Variants in SPATS1 observed in about 807,000 individuals in gnomAD.
SPATS1 encodes spermatogenesis associated serine rich 1, also known as spermatogenesis-associated serine-rich protein 1.
SPATS1 carries 23 observed loss-of-function variants against 33.6 expected under a neutral mutation model. The ratio of observed to expected loss-of-function variants is 0.68; its 90% confidence interval spans 0.49 to 0.97. SPATS1 has a LOEUF of 0.97. Ranked by LOEUF, SPATS1 falls within the 50% of genes least tolerant of loss-of-function variation. The pLI is 0.00. For synonymous variants in SPATS1, 131 were observed against 125.6 expected (o/e 1.04, Z -0.29); for missense variants, 327 against 361.0 (o/e 0.91, Z 0.76).
intron 2 of SPATS1, among the ~76,000 whole-genome samples, chr6:44,346,002 A>G (rs1787855886): frequency 6.6e-6 from 1 of 152,154 alleles, no homozygotes; most frequent in Non-Finnish European, 1.5e-5. Context: ...AATTATTTGG[A>G]TGGGGCCACG....
At chr6:44,361,096 A>G (rs1788892153) in intron 4 of SPATS1, among the ~76,000 whole-genome samples, 1 of 152,208 alleles carries the variant, frequency 6.6e-6, no homozygotes. Context: ...CCATAAAGCC[A>G]CATGGCCAGG....
intron 7 of SPATS1, among the ~76,000 whole-genome samples, chr6:44,374,631 T>A (rs919382122): frequency 1.6e-4 from 25 of 152,204 alleles, no homozygotes; most frequent in Non-Finnish European, 3.5e-4. Flanking sequence ...CTGATATATT[T>A]GATTTCAGTT....
At chr6:44,365,364 G>A (rs1122627) in intron 5 of SPATS1, among the ~76,000 whole-genome samples, 108,575 of 152,054 alleles carry the variant, frequency 0.71, 39,105 homozygotes, top group Middle Eastern at 0.77. Context: ...TCTTCCCACA[G>A]TACAGCATAT....
rs758068103 is a variant in SPATS1, at chr6:44,376,498, T to C, written c.874+25T>C. 19 of 1,545,024 alleles carry C rather than the reference T, an allele frequency of 1.2e-5. No homozygotes were observed. The East Asian group carries it at 3.0e-4, about 24-fold the overall frequency. On this transcript the variant is annotated intron_variant, in intron 8 of 8. Coordinates refer to ENST00000674044, the MANE Select transcript of SPATS1 (RefSeq NM_001372081.1). Reference sequence around the variant, plus strand: ...GGTGGGTTAAAGAAACTTCAAAGAATAGTGTAAAAACTGGAGGAGTCCGCC... The same window carrying C: ...GGTGGGTTAAAGAAACTTCAAAGAACAGTGTAAAAACTGGAGGAGTCCGCC...
chr6:44,373,746 G>A (rs1374114635), intron 7 of SPATS1, among the ~76,000 whole-genome samples: 1 of 152,164 alleles, frequency 6.6e-6, no homozygotes, highest in Non-Finnish European at 1.5e-5. Context: ...TAAAAATTAG[G>A]GAGGTAAGAT....
chr6:44,368,086 T>C (rs537992952), intron 5 of SPATS1, among the ~76,000 whole-genome samples: 2 of 152,314 alleles, frequency 1.3e-5, no homozygotes, highest in South Asian at 4.1e-4. Flanking sequence ...GATTTTTGGA[T>C]CATTGCAAAG....
chr6:44,345,694 T>A (rs942778482), intron 2 of SPATS1, among the ~76,000 whole-genome samples: 1 of 152,204 alleles, frequency 6.6e-6, no homozygotes, highest in Non-Finnish European at 1.5e-5. Flanking sequence ...ATTATTGACA[T>A]AGAGGACATC....
chr6:44,364,753 T>G (rs929144224), intron 5 of SPATS1, among the ~76,000 whole-genome samples: 1 of 151,692 alleles, frequency 6.6e-6, no homozygotes, highest in Non-Finnish European at 1.5e-5. Flanking sequence ...CTTTCTGTCT[T>G]TCTTTCTTTC....
rs141972940 is a variant in SPATS1, at chr6:44,345,773, C to T, written c.139+2539C>T. Among the ~76,000 whole-genome samples the T allele has an allele frequency of 1.7e-4, 26 of 152,202 alleles. 1 individual carries two copies. In the East Asian group the frequency reaches 5.0e-3, roughly 29 times the overall value. On this transcript the variant is annotated intron_variant, in intron 2 of 8. Coordinates refer to ENST00000674044, the MANE Select transcript of SPATS1 (RefSeq NM_001372081.1). ...ACATCTCCAAACATGCATTTCATGG[C>T]TTTTTCATAGATACATTTCTAGATG...
At chr6:44,372,451 T>C (rs1348182954) in intron 7 of SPATS1, among the ~76,000 whole-genome samples, 1 of 150,116 alleles carries the variant, frequency 6.7e-6, no homozygotes, top group Non-Finnish European at 1.5e-5. Context: ...TTTTTTATTT[T>C]ATTTTATTTT....
Position 44,377,079 on chromosome 6 carries a change from C to A in SPATS1, c.*16C>A, listed in dbSNP as rs1191643900. 6.2e-7 allele frequency: 1 copy of A among 1,614,190 alleles called. No individual in the cohort carries two copies. The highest frequency in any genetic ancestry group is 1.3e-5 in the African/African-American group (1 of 75,058). On this transcript the variant is annotated 3_prime_UTR_variant, in exon 9 of 9. Coordinates refer to ENST00000674044, the MANE Select transcript of SPATS1 (RefSeq NM_001372081.1). Reference sequence around the variant, plus strand: ...ACAATCCTGAGCATAAACAGGCCCACAAAACATGTGCTGACTGCACTCTGG... The same window carrying A: ...ACAATCCTGAGCATAAACAGGCCCAAAAAACATGTGCTGACTGCACTCTGG...
rs946940643 is a variant in SPATS1 at position 44,343,118 on chromosome 6, G to T, written c.23G>T (p.Gly8Val). ...CAGATGAGTCCATCCATGCTCACTGGAAACAGTCCACGGGGCTGCCGTCTC... is the reference window on the plus strand; with the variant it reads ...CAGATGAGTCCATCCATGCTCACTGTAAACAGTCCACGGGGCTGCCGTCTC... MSPSMLT[G>V]NSPRGCRLPS... Residue 8 changes from glycine (G) to valine (V), a missense_variant, in exon 2 of 9, where the codon GGA (glycine) becomes GTA (valine). Physicochemically the swap from Gly to Val is moderately radical, Grantham distance 109. Transcript: ENST00000674044. The T allele has an allele frequency of 1.2e-6, 2 of 1,614,080 alleles. No homozygotes were observed. The highest frequency in any genetic ancestry group is 1.7e-5 in the Admixed American group (1 of 60,026).
intron 3 of SPATS1, among the ~76,000 whole-genome samples, chr6:44,357,841 A>G (rs920307770): frequency 5.3e-5 from 8 of 152,238 alleles, no homozygotes; most frequent in African/African-American, 1.7e-4. Flanking sequence ...TTAAGGGAGA[A>G]CGTGTGATCT....
chr6:44,361,859 T>C lies in SPATS1; in HGVS notation c.441T>C (p.Phe147=). 6.2e-7 allele frequency: 1 copy of C among 1,614,244 alleles called. No individual in the cohort carries two copies. Among genetic ancestry groups the C allele is most frequent in the Non-Finnish European group, 8.5e-7 (1 of 1,180,048 alleles). ...ATGGGCATCGTCCTGAGTGGACATTTTACCCAAGGTTTAGCAGCAACATCC... is the reference window on the plus strand; with the variant it reads ...ATGGGCATCGTCCTGAGTGGACATTCTACCCAAGGTTTAGCAGCAACATCC... ...TKDGHRPEWT[F]YPRFSSNIHT... The change falls in exon 5 of 9, where the codon TTT becomes TTC. Residue 147 remains phenylalanine, a synonymous_variant. Transcript: ENST00000674044.
In SPATS1 at chr6:44,379,805, A is replaced by C. The variant is rs374882575; in HGVS notation, c.*2742A>C. Reference sequence around the variant, plus strand: ...TGAGTAAAAAAAAAAAACACAAAAAAACAAAAAAACCCTACACAACTGTTA... The same window carrying C: ...TGAGTAAAAAAAAAAAACACAAAAACACAAAAAAACCCTACACAACTGTTA... On this transcript the variant is annotated 3_prime_UTR_variant, in exon 9 of 9. Transcript: ENST00000674044. Among the ~76,000 whole-genome samples, 1 of 151,618 alleles carries C rather than the reference A, an allele frequency of 6.6e-6. No individual in the cohort carries two copies. The highest frequency in any genetic ancestry group is 2.4e-5 in the African/African-American group (1 of 41,276).
intron 5 of SPATS1, among the ~76,000 whole-genome samples, chr6:44,367,435 G>A (rs759654771): frequency 3.9e-5 from 6 of 152,220 alleles, no homozygotes; most frequent in Non-Finnish European, 7.3e-5. Flanking sequence ...TCACCACACA[G>A]AAGAGCTAAT....
intron 2 of SPATS1, among the ~76,000 whole-genome samples, chr6:44,344,753 A>G (rs1787775418): frequency 6.6e-6 from 1 of 152,268 alleles, no homozygotes; most frequent in South Asian, 2.1e-4. Flanking sequence ...AAAGAAACAG[A>G]CTTTCTTCCA....
intron 3 of SPATS1, among the ~76,000 whole-genome samples, chr6:44,355,782 T>G (rs144391924): frequency 1.6e-3 from 247 of 152,342 alleles, no homozygotes; most frequent in Admixed American, 2.7e-3. Flanking sequence ...TCTTAAGCTC[T>G]GCCTCTTTAG....
At chr6:44,360,334 G>A (rs1788835136) in intron 3 of SPATS1, 112 bp from the exon 4 acceptor site, 4 of 1,321,830 alleles carry the variant, frequency 3.0e-6, no homozygotes, top group Non-Finnish European at 4.2e-6. Flanking sequence ...GACTTTTATA[G>A]AGGAGTAGTC....
Sources: gnomAD v4.1 joint callset for allele counts (sites outside exome capture counted in the v4.1 genomes callset) on GRCh38, gnomAD v4.1.1 for gene constraint, MANE v1.5 for transcripts, NCBI Gene and HGNC (gene_info 2026-07-23, HGNC 2026-07-21) for gene names.